Variants in ORC3 observed in about 807,000 individuals in gnomAD.
ORC3 encodes homolog of latheo, Drosophila.
A neutral mutation model predicts 100.7 loss-of-function variants in ORC3; 78 were observed. The ratio of observed to expected loss-of-function variants is 0.77; its 90% CI spans 0.65 to 0.94. ORC3 has a LOEUF of 0.94. Ranked by LOEUF, ORC3 falls within the 40% of genes least tolerant of loss-of-function variation. The pLI, the probability that ORC3 is intolerant of heterozygous loss-of-function variation, is 0.00. For synonymous variants in ORC3, 295 were observed against 289.3 expected (o/e 1.02, Z -0.20); for missense variants, 789 against 823.9 (o/e 0.96, Z 0.52).
At chr6:87,624,451 C>T (rs7750528) in intron 11 of ORC3, among the ~76,000 whole-genome samples, 1 of 151,916 alleles carries the variant, frequency 6.6e-6, no homozygotes, top group African/African-American at 2.4e-5. Flanking sequence ...GCCCTAGCGT[C>T]GGCAACAGAG....
chr6:87,603,211 T>C (rs1231193988), intron 3 of ORC3, among the ~76,000 whole-genome samples, 173 bp from the exon 4 acceptor site: 1 of 151,730 alleles, frequency 6.6e-6, no homozygotes, highest in African/African-American at 2.4e-5. Flanking sequence ...GAATTTTTAA[T>C]GGGGGAACCC....
At chr6:87,674,459 T>A in the ORC3 span, among the ~76,000 whole-genome samples, 1 of 151,762 alleles carries the variant, frequency 6.6e-6, no homozygotes, top group African/African-American at 2.4e-5. Flanking sequence ...AAGAAAGCTA[T>A]GTCTAGAAAC....
chr6:87,609,164 C>A lies in ORC3; in HGVS notation c.648C>A (p.Val216=). 11 of 1,610,218 alleles carry A rather than the reference C, an allele frequency of 6.8e-6. No homozygotes were observed. Among genetic ancestry groups the A allele is most frequent in the Non-Finnish European group, 9.3e-6 (11 of 1,178,648 alleles). ...GCCAATGGCAGTCTCCTCCTGTTGT[C>A]GTTATCTTGAAGGATATGGAAAGCT... ...TSSQWQSPPV[V]VILKDMESFA... is the part of the protein sequence containing the mutation. The change falls in exon 7 of 20, where the codon GTC becomes GTA. Residue 216 remains valine, a synonymous_variant. Transcript: ENST00000392844.
At position 87,607,862 on chromosome 6, in the gene ORC3, C is replaced by G. The variant is rs749534503; in HGVS notation, c.579+38C>G. The G allele has an allele frequency of 2.7e-6, 4 of 1,476,492 alleles. No homozygotes were observed. The South Asian group carries it at 4.8e-5, about 18-fold the overall frequency. The allele number at this position is 1,476,492 out of a possible 1,614,324, so 91.5% of individuals were successfully genotyped here. A position where few individuals can be genotyped will look rare whatever the true frequency, so the allele number is the denominator to read the frequency against. ...TGATGATTTTCTCCCAGGAAATTGA[C>G]GTATGATTGATGTGGCTTGGAATAA... On this transcript the variant is annotated intron_variant, in intron 6 of 19. Transcript: ENST00000392844.
At chr6:87,618,686 G>A (rs1779332816) in intron 9 of ORC3, among the ~76,000 whole-genome samples, 2 of 152,042 alleles carry the variant, frequency 1.3e-5, no homozygotes, top group Admixed American at 6.6e-5. Context: ...TAAGGTAATG[G>A]TAGTGGAACT....
At chr6:87,671,402 T>C (rs756332474), downstream of ORC3, among the ~76,000 whole-genome samples, 14 of 151,904 alleles carry the variant, frequency 9.2e-5, no homozygotes, top group Non-Finnish European at 1.9e-4. Context: ...CATTAAGTGA[T>C]TGAGGATGAC....
intron 7 of ORC3, 60 bp downstream of exon 7, chr6:87,609,289 T>TC: frequency 2.5e-6 from 3 of 1,204,266 alleles, no homozygotes; most frequent in Non-Finnish European, 3.4e-6. Flanking sequence ...ATACTACTTT[T>TC]AACTTGAAAA....
chr6:87,674,638 ATATAT>A, the ORC3 span, among the ~76,000 whole-genome samples: 5 of 145,938 alleles, frequency 3.4e-5, no homozygotes, highest in African/African-American at 1.3e-4. Flanking sequence ...ATATATATAT[ATATAT>A]TTTTTTTTTT....
intron 13 of ORC3, among the ~76,000 whole-genome samples, chr6:87,643,171 GAT>G (rs1008292772): frequency 1.6e-4 from 24 of 150,600 alleles, no homozygotes; most frequent in African/African-American, 5.9e-4. Flanking sequence ...AATTAGCTGA[GAT>G]ATGGCCTAGC....
chr6:87,671,527 T>G (rs1438990641), downstream of ORC3, among the ~76,000 whole-genome samples: 1 of 151,978 alleles, frequency 6.6e-6, no homozygotes, highest in Non-Finnish European at 1.5e-5. Flanking sequence ...GATGTCCTTA[T>G]GATGAGATCA....
At chr6:87,640,333 T>G (rs1319476403) in intron 13 of ORC3, among the ~76,000 whole-genome samples, 2 of 152,354 alleles carry the variant, frequency 1.3e-5, no homozygotes, top group Admixed American at 6.5e-5. Context: ...AAGACCTATA[T>G]AATTTTATAT....
rs758755080 is a variant in ORC3, at chr6:87,653,246, G to A, written c.1513G>A (p.Asp505Asn). 4 of 1,613,222 alleles carry A rather than the reference G, an allele frequency of 2.5e-6. No individual in the cohort carries two copies. Among genetic ancestry groups the A allele is most frequent in the South Asian group, 2.2e-5 (2 of 91,002 alleles). ...EEFLAQFQSL[D>N]ETKEEEDASG... ...GTTCCTGGCCCAGTTTCAGAGCCTC[G>A]ATGGTAAGAGTGTAATATCCTTCCA... The change falls in exon 14 of 20, where the codon GAT becomes AAT. Residue 505 changes from aspartate to asparagine, a missense_variant. Physicochemically the swap from Asp to Asn is conservative, Grantham distance 23. Around this residue, in one of 3 missense-constraint regions of ORC3, gnomAD observed 366 missense variants for 394.2 expected, o/e 0.93. Transcript: ENST00000392844.
In ORC3 at chr6:87,639,805, C is replaced by A. The variant is rs558233111; in HGVS notation, c.1382+3319C>A. Among the ~76,000 whole-genome samples the A allele has an allele frequency of 6.0e-4, 89 of 148,474 alleles. 1 individual carries two copies. Among genetic ancestry groups the A allele is most frequent in the African/African-American group, 2.2e-3 (88 of 40,206 alleles). ...GACCAGCCTGGGTAACATGGTGAAA[C>A]CCCCTCTCTGCCAAAAATACAAAAA... On this transcript the variant is annotated intron_variant, in intron 13 of 19. Transcript: ENST00000392844.
rs6923950 is a variant in ORC3, at chr6:87,622,594, T to C, written c.1185+581T>C. 9.1e-3 allele frequency among the ~76,000 whole-genome samples: 1,388 copies of C among 152,180 alleles called. 21 individuals carry two copies. The highest frequency in any genetic ancestry group is 0.031 in the African/African-American group (1,293 of 41,534). On this transcript the variant is annotated intron_variant, in intron 11 of 19. Transcript: ENST00000392844. ...TGTAGTATATAATTCAAAATGGATA[T>C]AGTATACTATATATGTTATAGTATA...
At chr6:87,654,832 T>C (rs1769545525) in intron 14 of ORC3, among the ~76,000 whole-genome samples, 2 of 152,210 alleles carry the variant, frequency 1.3e-5, no homozygotes, top group African/African-American at 4.8e-5. Flanking sequence ...GTAATCTAGA[T>C]ACATTTTTAA....
the ORC3 span, among the ~76,000 whole-genome samples, chr6:87,676,752 C>G: frequency 6.6e-6 from 1 of 151,184 alleles, no homozygotes; most frequent in South Asian, 2.1e-4. Flanking sequence ...TGCACTCCGG[C>G]CTGGGCGACA....
intron 13 of ORC3, among the ~76,000 whole-genome samples, chr6:87,642,185 AC>A (rs1377401889): frequency 6.6e-6 from 1 of 152,196 alleles, no homozygotes; most frequent in African/African-American, 2.4e-5. Flanking sequence ...AGCCCAAGCT[AC>A]TTGGAGGCTG....
At chr6:87,645,423 G>A (rs1768684492) in intron 13 of ORC3, among the ~76,000 whole-genome samples, 2 of 152,102 alleles carry the variant, frequency 1.3e-5, no homozygotes, top group Admixed American at 1.3e-4. Flanking sequence ...CTACATAATT[G>A]CTTTGTTGTG....
At chr6:87,619,500 G>C (rs892948955) in intron 9 of ORC3, among the ~76,000 whole-genome samples, 1 of 152,146 alleles carries the variant, frequency 6.6e-6, no homozygotes, top group Non-Finnish European at 1.5e-5. Context: ...TCCGTCTCCC[G>C]ATTTCAAGTG....
Sources: gnomAD v4.1 joint callset for allele counts (sites outside exome capture counted in the v4.1 genomes callset) on GRCh38, gnomAD v4.1.1 for gene constraint, gnomAD v4.1.1 regional missense constraint, MANE v1.5 for transcripts, NCBI Gene and HGNC (gene_info 2026-07-23, HGNC 2026-07-21) for gene names.